Variants in LAMB3 observed in about 807,000 individuals in gnomAD.
LAMB3 encodes laminin subunit beta 3.
In LAMB3, 104 loss-of-function variants were observed where a neutral mutation model predicts 140.3. That is an observed-to-expected ratio of 0.74 (90% CI 0.63 to 0.87). LAMB3 has a LOEUF of 0.87. LAMB3 is among the 40% of genes least tolerant of loss of function. The pLI is 0.00. For synonymous variants in LAMB3, 592 were observed against 602.9 expected (o/e 0.98, Z 0.26); for missense variants, 1,531 against 1,575.2 (o/e 0.97, Z 0.47).
chr1:209,616,661 C>T, intron 21 of LAMB3, 37 bp from the exon 22 acceptor site: 1 of 1,608,322 alleles, frequency 6.2e-7, no homozygotes, highest in East Asian at 2.2e-5. Context: ...TCATTGTCAT[C>T]ATGCAAGGTC....
Position 209,615,303 on chromosome 1 carries a change from C to T in LAMB3, c.3487G>A (p.Gly1163Arg), listed in dbSNP as rs745444340. The change falls in exon 23 of 23, where the codon GGG (glycine) becomes AGG (arginine). Residue 1163 changes from glycine to arginine, a missense_variant. Transcript: ENST00000356082. ...RVEQIRDHINGRVLYYATCK is the reference protein window; with the variant it reads ...RVEQIRDHINRRVLYYATCK The stretch of plus-strand genomic sequence containing the variant: ...CAGGTGGCATAGTAGAGCACGCGCC[C>T]ATTGATGTGGTCACGGATCTGCTCC... 5 of 1,614,158 alleles carry T rather than the reference C, an allele frequency of 3.1e-6. No individual in the cohort carries two copies. The highest frequency in any genetic ancestry group is 2.5e-6 in the Non-Finnish European group (3 of 1,180,012).
intron 14 of LAMB3, 28 bp downstream of exon 14, chr1:209,625,620 C>T (rs565259267): frequency 1.2e-6 from 2 of 1,613,960 alleles, no homozygotes; most frequent in African/African-American, 2.7e-5. Context: ...ATAATTCTTG[C>T]AAATGCTTGG....
At chr1:209,650,331 A>G (rs1216585090) in intron 2 of LAMB3, among the ~76,000 whole-genome samples, 4 of 152,206 alleles carry the variant, frequency 2.6e-5, no homozygotes. Flanking sequence ...TGAAAAGGAG[A>G]AGAGGAGAAA....
chr1:209,617,444 T>C lies in LAMB3; in HGVS notation c.3194A>G (p.Glu1065Gly). The stretch of plus-strand genomic sequence containing the variant: ...ACTCAATGCCTGCTCGCTGGCACCT[T>C]CCGCAAGCTGCTGGGCCTGGACTGC... ...AEAVQAQQLA[E>G]GASEQALSAQ... The change falls in exon 21 of 23, where the codon GAA (glutamate) becomes GGA (glycine). Residue 1065 changes from glutamate (E) to glycine (G), a missense_variant. By Grantham distance (98) the Glu-to-Gly change is moderately conservative. Coordinates refer to ENST00000356082, the MANE Select transcript of LAMB3 (RefSeq NM_000228.3). The C allele has an allele frequency of 6.2e-7, 1 of 1,613,102 alleles. No individual in the cohort carries two copies. The highest frequency in any genetic ancestry group is 1.1e-5 in the South Asian group (1 of 91,036).
chr1:209,630,647 G>A lies in LAMB3; in HGVS notation c.911C>T (p.Pro304Leu), dbSNP rs114394307. Residue 304 changes from proline to leucine, a missense_variant, in exon 9 of 23, where the codon CCG becomes CTG. Pro to Leu is a moderately conservative substitution (Grantham distance 98, BLOSUM62 -3). Transcript: ENST00000356082. ...APFYNNRPWR[P>L]AEGQDAHECQ... is the part of the protein sequence containing the mutation. The stretch of plus-strand genomic sequence containing the variant: ...TTCATGGGCGTCCTGGCCCTCCGCC[G>A]GTCTCCAGGGCCGGTTGTTGTAGAA... The A allele has an allele frequency of 3.5e-4, 568 of 1,614,134 alleles. 1 individual carries two copies. Among genetic ancestry groups the A allele is most frequent in the Non-Finnish European group, 4.0e-4 (476 of 1,180,030 alleles).
intron 3 of LAMB3, among the ~76,000 whole-genome samples, chr1:209,640,477 G>A (rs955331706): frequency 6.6e-6 from 1 of 151,990 alleles, no homozygotes; most frequent in Admixed American, 6.6e-5. Flanking sequence ...GAACTTGGGA[G>A]GCAGAGGTTG....
intron 3 of LAMB3, among the ~76,000 whole-genome samples, chr1:209,639,482 A>G (rs1299900834): frequency 6.6e-6 from 1 of 152,190 alleles, no homozygotes; most frequent in Admixed American, 6.5e-5. Context: ...GCCTACGCTT[A>G]TCTCTTGGAA....
chr1:209,631,796 C>T (rs1377260540), intron 8 of LAMB3, among the ~76,000 whole-genome samples: 1 of 152,208 alleles, frequency 6.6e-6, no homozygotes, highest in Non-Finnish European at 1.5e-5. Flanking sequence ...CTCTGTACAC[C>T]TCTGCAGCCT....
chr1:209,647,212 A>G (rs773436371), intron 3 of LAMB3, among the ~76,000 whole-genome samples: 1 of 152,264 alleles, frequency 6.6e-6, no homozygotes, highest in Admixed American at 6.5e-5. Flanking sequence ...CCTTGAGACC[A>G]GTGGGATTCA....
Position 209,650,644 on chromosome 1 carries a change from G to A in LAMB3, c.28+273C>T, listed in dbSNP as rs181622193. Among the ~76,000 whole-genome samples the A allele has an allele frequency of 2.5e-3, 379 of 152,374 alleles. 1 individual carries two copies. Among genetic ancestry groups the A allele is most frequent in the African/African-American group, 8.6e-3 (357 of 41,586 alleles). ...CTGGAACCAGCTTGAGAAAGGATGG[G>A]AAACTGTGGAGAGCACTCAGGAAAC... On this transcript the variant is annotated intron_variant, in intron 2 of 22. Coordinates refer to ENST00000356082, the MANE Select transcript of LAMB3 (RefSeq NM_000228.3).
intron 14 of LAMB3, 37 bp from the exon 15 acceptor site, chr1:209,624,037 G>A: frequency 6.3e-7 from 1 of 1,597,008 alleles, no homozygotes; most frequent in Non-Finnish European, 8.5e-7. Flanking sequence ...AAATATAGGA[G>A]GGAGTTTTGC....
intron 18 of LAMB3, among the ~76,000 whole-genome samples, chr1:209,621,773 C>T (rs1309283552): frequency 6.6e-6 from 1 of 152,156 alleles, no homozygotes; most frequent in Non-Finnish European, 1.5e-5. Context: ...CTTCCTCACT[C>T]CCCAGAGCAG....
At position 209,641,804 on chromosome 1, in the gene LAMB3, G is replaced by A. The variant is rs540897431; in HGVS notation, c.184-3156C>T. 2.0e-5 allele frequency among the ~76,000 whole-genome samples: 3 copies of A among 152,320 alleles called. No homozygotes were observed. In the South Asian group the frequency reaches 6.2e-4, roughly 32 times the overall value. On this transcript the variant is annotated intron_variant, in intron 3 of 22. Coordinates refer to ENST00000356082, the MANE Select transcript of LAMB3 (RefSeq NM_000228.3). ...CAAGAGAAGGCCCTTGCTAGAGCCT[G>A]ACTCCCCTCCAGACCCCTATTTTGG...
At position 209,652,042 on chromosome 1, in the gene LAMB3, G is replaced by A. The variant is rs115333845; in HGVS notation, c.-38+327C>T. On this transcript the variant is annotated intron_variant, in intron 1 of 22. Transcript: ENST00000356082. ...ATGGCCTAAGAGAGACCCATCTTCT[G>A]ACTTTCATCCAGTGCTTTCTCAGCT... Among the ~76,000 whole-genome samples, 671 of 152,180 alleles carry A rather than the reference G, an allele frequency of 4.4e-3. 8 individuals carry two copies. Among genetic ancestry groups the A allele is most frequent in the African/African-American group, 0.015 (623 of 41,534 alleles).
intron 8 of LAMB3, 91 bp from the exon 9 acceptor site, chr1:209,630,826 C>T: frequency 1.4e-6 from 2 of 1,450,258 alleles, no homozygotes; most frequent in Non-Finnish European, 1.9e-6. Flanking sequence ...CTCTGCGCAC[C>T]ACTCAGGATC....
At chr1:209,625,411 C>T (rs74621805) in intron 14 of LAMB3, among the ~76,000 whole-genome samples, 3,123 of 152,262 alleles carry the variant, frequency 0.021, 98 homozygotes, top group African/African-American at 0.072. Context: ...GTTCTGAGGC[C>T]CAGCTCTGCC....
Position 209,638,662 on chromosome 1 carries a change from A to T in LAMB3, c.184-14T>A, listed in dbSNP as rs545083429. Reference sequence around the variant, plus strand: ...TTTCATCTGCCACTGTGGGAGAGGGAGATAGCAGACACTCAGAGGTGGGGT... The same window carrying T: ...TTTCATCTGCCACTGTGGGAGAGGGTGATAGCAGACACTCAGAGGTGGGGT... On this transcript the variant is annotated splice_polypyrimidine_tract_variant and intron_variant, in intron 3 of 22. Coordinates refer to ENST00000356082, the MANE Select transcript of LAMB3 (RefSeq NM_000228.3). 1.3e-5 allele frequency: 20 copies of T among 1,564,550 alleles called. No individual in the cohort carries two copies. Among genetic ancestry groups the T allele is most frequent in the Non-Finnish European group, 1.8e-5 (20 of 1,135,098 alleles).
intron 3 of LAMB3, 134 bp downstream of exon 3, chr1:209,649,830 T>A: frequency 1.0e-6 from 1 of 992,412 alleles, no homozygotes; most frequent in Non-Finnish European, 1.6e-6. Context: ...CTTATACTTT[T>A]ACTGCACTCC....
At position 209,623,218 on chromosome 1, in the gene LAMB3, C is replaced by T. The variant is rs760202140; in HGVS notation, c.2359-39G>A. On this transcript the variant is annotated intron_variant, in intron 16 of 22. Transcript: ENST00000356082. This position sits in a 1 kb window ranked among gnomAD's most constrained non-coding sequence, Gnocchi z 4.2. Reference sequence around the variant, plus strand: ...GCGGTGTTAAAGAGGCTACCCAAAGCCCCTCAATAACCAATCCCACCCCAC... The same window carrying T: ...GCGGTGTTAAAGAGGCTACCCAAAGTCCCTCAATAACCAATCCCACCCCAC... 1.2e-6 allele frequency: 2 copies of T among 1,604,678 alleles called. No homozygotes were observed. The highest frequency in any genetic ancestry group is 1.3e-5 in the African/African-American group (1 of 74,802).
Sources: allele counts gnomAD v4.1 joint callset (sites outside exome capture counted in the v4.1 genomes callset), GRCh38; gene constraint gnomAD v4.1.1; non-coding constraint Gnocchi (gnomAD v3.1); transcripts MANE v1.5; gene names NCBI Gene and HGNC (gene_info 2026-07-23, HGNC 2026-07-21).